SCAF4: variants seen among roughly 807,000 people sequenced by gnomAD.
The protein encoded by SCAF4 is SR-related and CTD-associated factor 4.
SCAF4 carries 25 observed loss-of-function variants against 129.8 expected under a neutral mutation model. The ratio of observed to expected loss-of-function variants is 0.19; its 90% confidence interval spans 0.14 to 0.27. SCAF4 has a LOEUF of 0.27. Ranked by LOEUF, SCAF4 falls within the 10% of genes least tolerant of loss-of-function variation. The probability of loss-of-function intolerance (pLI) is 1.00; values close to 1 mark genes in which losing one functional copy is unlikely to be tolerated. For missense variants in SCAF4, 1,246 were observed against 1,457.1 expected, an observed-to-expected ratio of 0.86 and a Z score of 2.36; for synonymous variants, 551 against 497.7, an observed-to-expected ratio of 1.11 and a Z score of -1.43.
chr21:31,727,811 C>T (rs938735624), intron 1 of SCAF4, among the ~76,000 whole-genome samples: 15 of 152,032 alleles, frequency 9.9e-5, no homozygotes, highest in Admixed American at 5.9e-4. Flanking sequence ...AAATTCCATA[C>T]TCTTTATTCT....
intron 11 of SCAF4, among the ~76,000 whole-genome samples, chr21:31,693,962 T>C (rs962679072): frequency 2.6e-5 from 4 of 152,258 alleles, no homozygotes; most frequent in Non-Finnish European, 5.9e-5. Flanking sequence ...TATAGAATTA[T>C]ATCTTCAAAA....
chr21:31,728,052 T>C (rs1047310338), intron 1 of SCAF4, among the ~76,000 whole-genome samples: 1 of 152,186 alleles, frequency 6.6e-6, no homozygotes, highest in African/African-American at 2.4e-5. Context: ...ATGGACGTCT[T>C]TTACTACTGC....
Position 31,693,257 on chromosome 21 carries a change from A to T in SCAF4, c.1513+37T>A, listed in dbSNP as rs758715574. 7 of 1,345,934 alleles carry T rather than the reference A, an allele frequency of 5.2e-6. 1 individual carries two copies. The highest frequency in any genetic ancestry group is 4.0e-4 in the Middle Eastern group (2 of 5,000). The allele number at this position is 1,345,934 out of a possible 1,614,324, so 83.4% of individuals were successfully genotyped here. On this transcript the variant is annotated intron_variant, in intron 12 of 19. Coordinates refer to ENST00000286835, the MANE Select transcript of SCAF4 (RefSeq NM_020706.2). ...ACACTTTAAACCCAAGACATGAAAAAATAGTACATGAGGTTTGAATATAAA... is the reference window on the plus strand; with the variant it reads ...ACACTTTAAACCCAAGACATGAAAATATAGTACATGAGGTTTGAATATAAA...
intron 5 of SCAF4, 136 bp from the exon 6 acceptor site, chr21:31,702,054 T>C (rs2050545908): frequency 8.0e-7 from 1 of 1,248,572 alleles, no homozygotes; most frequent in Admixed American, 2.6e-5. Flanking sequence ...CTAGAGTTTA[T>C]ACTGTAACAA....
In SCAF4 at chr21:31,672,112, G is replaced by A; in HGVS notation, c.2731C>T (p.Pro911Ser). The change falls in exon 20 of 20, where the codon CCG becomes TCG. Residue 911 changes from proline (P) to serine (S), a missense_variant. Physicochemically the swap from Pro to Ser is moderately conservative, Grantham distance 74. Coordinates refer to ENST00000286835, the MANE Select transcript of SCAF4 (RefSeq NM_020706.2). The stretch of plus-strand genomic sequence containing the variant: ...CCAGGCCTAACAAAGGGGCCATGCG[G>A]TGGGAAGGGACCTTTCATTCCATGA... ...PPHGMKGPFP[P>S]HGPFVRPGGM... 1 of 1,612,446 alleles carries A rather than the reference G, an allele frequency of 6.2e-7. No individual in the cohort carries two copies. Among genetic ancestry groups the A allele is most frequent in the Non-Finnish European group, 8.5e-7 (1 of 1,178,654 alleles).
At chr21:31,690,127 C>G (rs2050224279) in intron 15 of SCAF4, among the ~76,000 whole-genome samples, 1 of 152,162 alleles carries the variant, frequency 6.6e-6, no homozygotes, top group Non-Finnish European at 1.5e-5. Flanking sequence ...TACACGTTTA[C>G]TTTAGATTGC....
In SCAF4 at chr21:31,693,317, T is replaced by C; in HGVS notation, c.1490A>G (p.Gln497Arg). 2 of 1,512,456 alleles carry C rather than the reference T, an allele frequency of 1.3e-6. No individual in the cohort carries two copies. The highest frequency in any genetic ancestry group is 2.4e-5 in the East Asian group (1 of 41,786). 93.7% of individuals were successfully genotyped at this position (1,512,456 alleles called of 1,614,324 possible). Residue 497 changes from glutamine to arginine, a missense_variant, in exon 12 of 20, where the codon CAA (glutamine) becomes CGA (arginine). Around this residue, in one of 6 missense-constraint regions of SCAF4, gnomAD observed 468 missense variants for 605.5 expected, o/e 0.77. Transcript: ENST00000286835. ...ACCACTTGCAGTTTCCGGTTTCACT[T>C]GAGGGAGGCCTTTTTGTCGACGTTC... ...ERERRQKGLP[Q>R]VKPETASVCS...
chr21:31,725,304 G>T (rs2051175344), intron 1 of SCAF4, among the ~76,000 whole-genome samples: 1 of 151,950 alleles, frequency 6.6e-6, no homozygotes, highest in Non-Finnish European at 1.5e-5. Flanking sequence ...CCCATCAGAT[G>T]AACTAAATTC....
At chr21:31,705,944 C>T (rs747495353) in intron 2 of SCAF4, among the ~76,000 whole-genome samples, 1 of 152,278 alleles carries the variant, frequency 6.6e-6, no homozygotes, top group East Asian at 1.9e-4. Context: ...GTGGCGCACA[C>T]CTGTAATCTC....
rs992514108 is a variant in SCAF4, at chr21:31,702,187, G to A, written c.457+57C>T. 2.5e-6 allele frequency: 4 copies of A among 1,604,124 alleles called. No homozygotes were observed. In the African/African-American group the frequency reaches 4.0e-5, roughly 16 times the overall value. On this transcript the variant is annotated intron_variant, in intron 5 of 19. Coordinates refer to ENST00000286835, the MANE Select transcript of SCAF4 (RefSeq NM_020706.2). The stretch of plus-strand genomic sequence containing the variant: ...CCTTCAATACACATAAACTCTGACT[G>A]TTTCATGTGCAAAAAATCATACCAT...
At chr21:31,691,527 G>T (rs1467040819) in intron 14 of SCAF4, among the ~76,000 whole-genome samples, 3 of 152,052 alleles carry the variant, frequency 2.0e-5, no homozygotes, top group African/African-American at 7.2e-5. Context: ...AAAACATATT[G>T]CTAAAAGACA....
Position 31,694,216 on chromosome 21 carries a change from C to T in SCAF4, c.1310G>A (p.Arg437Lys). The change falls in exon 11 of 20, where the codon AGG becomes AAG. Residue 437 changes from arginine (R) to lysine (K), a missense_variant. This residue lies in a region of SCAF4 where 468 missense variants were observed against 605.5 expected (regional missense o/e 0.77). Coordinates refer to ENST00000286835, the MANE Select transcript of SCAF4 (RefSeq NM_020706.2). ...HMSDNRKSRS[R>K]SASRSPKRRR... ...TTCTATAAATTACCTGGATGCTGACCTAGATCTTGACTTTCTGTTATCAGA... is the reference window on the plus strand; with the variant it reads ...TTCTATAAATTACCTGGATGCTGACTTAGATCTTGACTTTCTGTTATCAGA... 3 of 1,600,834 alleles carry T rather than the reference C, an allele frequency of 1.9e-6. No individual in the cohort carries two copies. The highest frequency in any genetic ancestry group is 4.5e-5 in the East Asian group (2 of 44,708).
Position 31,688,354 on chromosome 21 carries a change from C to T in SCAF4, c.1996G>A (p.Val666Ile), listed in dbSNP as rs141960252. ...SPIPKPLPVP[V>I]PPIPVPAPIT... ...GGTGCAGGAACAGGAATAGGAGGGA[C>T]AGGCACAGGTAATGGTTTAGGTATG... The change falls in exon 16 of 20, where the codon GTC becomes ATC. Residue 666 changes from valine (V) to isoleucine (I), a missense_variant. Physicochemically the swap from Val to Ile is conservative, Grantham distance 29. Coordinates refer to ENST00000286835, the MANE Select transcript of SCAF4 (RefSeq NM_020706.2). The T allele has an allele frequency of 1.0e-4, 161 of 1,613,078 alleles. No homozygotes were observed. Among genetic ancestry groups the T allele is most frequent in the Non-Finnish European group, 1.2e-4 (144 of 1,179,344 alleles).
Position 31,727,415 on chromosome 21 carries a change from T to C in SCAF4, c.30+4248A>G, listed in dbSNP as rs138953987. ...TCAAATGTCTTAAAACTGCAGATGA[T>C]GCAAAAAAAGTGGGAGGGGCAAGAT... On this transcript the variant is annotated intron_variant, in intron 1 of 19. Transcript: ENST00000286835. Among the ~76,000 whole-genome samples, 350 of 152,158 alleles carry C rather than the reference T, an allele frequency of 2.3e-3. 2 individuals are homozygous for C. Among genetic ancestry groups the C allele is most frequent in the African/African-American group, 7.4e-3 (306 of 41,514 alleles).
intron 1 of SCAF4, among the ~76,000 whole-genome samples, chr21:31,715,667 C>A (rs2050905041): frequency 6.6e-6 from 1 of 152,110 alleles, no homozygotes; most frequent in African/African-American, 2.4e-5. Flanking sequence ...CCAGCTATTC[C>A]AATCAGCTTG....
chr21:31,675,032 C>T (rs1196967092), intron 19 of SCAF4, among the ~76,000 whole-genome samples: 2 of 152,120 alleles, frequency 1.3e-5, no homozygotes, highest in East Asian at 3.9e-4. Flanking sequence ...TGCACAAGGC[C>T]AGTGAGTTAA....
Position 31,685,690 on chromosome 21 carries a change from T to C in SCAF4, c.2087A>G (p.Gln696Arg), listed in dbSNP as rs1249944324. 6 of 1,611,326 alleles carry C rather than the reference T, an allele frequency of 3.7e-6. No homozygotes were observed. The highest frequency in any genetic ancestry group is 5.1e-6 in the Non-Finnish European group (6 of 1,178,896). The part of the protein sequence containing the change: ...QPGPPVVGAL[Q>R]PPAFTPPLGI... ...CAGAGGAGGCGTGAAAGCAGGCGGC[T>C]GGAGAGCACCAACTACAGGTGGACC... is the stretch of plus-strand genomic sequence containing the variant. Residue 696 changes from glutamine (Q) to arginine (R), a missense_variant, in exon 17 of 20, where the codon CAG (glutamine) becomes CGG (arginine). By Grantham distance (43) the Gln-to-Arg change is conservative. This residue lies in a region of SCAF4 where 468 missense variants were observed against 605.5 expected (regional missense o/e 0.77). Coordinates refer to ENST00000286835, the MANE Select transcript of SCAF4 (RefSeq NM_020706.2).
chr21:31,688,507 G>T, intron 15 of SCAF4, 43 bp from the exon 16 acceptor site: 2 of 1,510,372 alleles, frequency 1.3e-6, no homozygotes, highest in Non-Finnish European at 1.8e-6. Context: ...ACCATTTTCA[G>T]TTTGTAACTT....
chr21:31,714,099 A>T (rs773413180), intron 1 of SCAF4, among the ~76,000 whole-genome samples: 5 of 152,118 alleles, frequency 3.3e-5, no homozygotes, highest in Admixed American at 6.5e-5. Flanking sequence ...CTAAGCCATA[A>T]TGTCCTCATT....
Sources: allele counts gnomAD v4.1 joint callset (sites outside exome capture counted in the v4.1 genomes callset), GRCh38; gene constraint gnomAD v4.1.1; regional missense constraint gnomAD v4.1.1; transcripts MANE v1.5; gene names NCBI Gene and HGNC (gene_info 2026-07-23, HGNC 2026-07-21).